Variants in ZBTB47 observed in about 807,000 individuals in gnomAD.
ZBTB47 encodes the protein zinc finger and BTB domain containing 47, also known as zinc finger and BTB domain-containing protein 47.
A neutral mutation model predicts 56.6 loss-of-function variants in ZBTB47; 24 were observed. The ratio of observed to expected loss-of-function variants is 0.42; its 90% CI spans 0.31 to 0.60. ZBTB47 has a LOEUF of 0.60. ZBTB47 is among the 20% of genes least tolerant of loss of function. The pLI, the probability that ZBTB47 is intolerant of heterozygous loss-of-function variation, is 0.14. For missense variants in ZBTB47, 829 were observed against 1,032.6 expected (o/e 0.80, Z 2.70); for synonymous variants, 414 against 418.9 (o/e 0.99, Z 0.14).
rs1176294073 is a variant in ZBTB47 at position 42,656,923 on chromosome 3, G to A, written c.-81-1352G>A. Among the ~76,000 whole-genome samples, 3 of 152,196 alleles carry A rather than the reference G, an allele frequency of 2.0e-5. No homozygotes were observed. The highest frequency in any genetic ancestry group is 7.2e-5 in the African/African-American group (3 of 41,450). On this transcript the variant is annotated intron_variant, in intron 1 of 5. Coordinates refer to ENST00000232974, the MANE Select transcript of ZBTB47 (RefSeq NM_145166.4). This position sits in a 1 kb window ranked among gnomAD's most constrained non-coding sequence, Gnocchi z 5.8. ...CCAGGGAGGCACTGACAGCTATGGA[G>A]CTGATGGTTTTGTGGCCATCAAAAT...
At position 42,659,454 on chromosome 3, in the gene ZBTB47, A is replaced by T. The variant is rs1180160351; in HGVS notation, c.1099A>T (p.Ser367Cys). 1.3e-6 allele frequency: 2 copies of T among 1,502,276 alleles called. No homozygotes were observed. The allele number at this position is 1,502,276 out of a possible 1,614,324, so 93.1% of individuals were successfully genotyped here. A position where few individuals can be genotyped will look rare whatever the true frequency, so the allele number is the denominator to read the frequency against. The stretch of plus-strand genomic sequence containing the variant: ...GCAGGGGCCACGGGGAAGCCGAAGC[A>T]GCCGGGCAGACCCCCCTCCCCACAG... ...GKQGPRGSRSSRADPPPHSHM... is the reference protein window; with the variant it reads ...GKQGPRGSRSCRADPPPHSHM... Residue 367 changes from serine (S) to cysteine (C), a missense_variant, in exon 2 of 6, where the codon AGC becomes TGC. By Grantham distance (112) the Ser-to-Cys change is moderately radical. This residue lies in a region of ZBTB47 where 359 missense variants were observed against 359.8 expected (regional missense o/e 1.00). Transcript: ENST00000232974.
chr3:42,659,033 C>T lies in ZBTB47; in HGVS notation c.678C>T (p.Tyr226=), dbSNP rs1294709267. 3 of 1,530,430 alleles carry T rather than the reference C, an allele frequency of 2.0e-6. No individual in the cohort carries two copies. The highest frequency in any genetic ancestry group is 2.6e-6 in the Non-Finnish European group (3 of 1,143,872). 94.8% of individuals were successfully genotyped at this position (1,530,430 alleles called of 1,614,324 possible). The change falls in exon 2 of 6, where the codon TAC becomes TAT. Residue 226 remains tyrosine (Y), a synonymous_variant. Coordinates refer to ENST00000232974, the MANE Select transcript of ZBTB47 (RefSeq NM_145166.4). ...AAGAGCTTGGGGGTTCTGGCACCTA[C>T]AGCCGCAGGGAGCAATCCCAGATCA... ...LEEELGGSGT[Y]SRREQSQIIV... is the part of the protein sequence containing the mutation.
rs1486755397 is a variant in ZBTB47, at chr3:42,658,377, C to T, written c.22C>T (p.Arg8Cys). Residue 8 changes from arginine to cysteine, a missense_variant, in exon 2 of 6, where the codon CGC becomes TGC. Arg to Cys is a radical substitution (Grantham distance 180, BLOSUM62 -3). Around this residue, in one of 6 missense-constraint regions of ZBTB47, gnomAD observed 120 missense variants for 200.2 expected, o/e 0.60. Transcript: ENST00000232974. ...CTTGATGGGCCGCCTGAACGAGCAG[C>T]GCCTCTTCCAGCCTGACCTCTGCGA... is the stretch of plus-strand genomic sequence containing the variant. Reference protein sequence around the residue: MGRLNEQRLFQPDLCDVD... With the variant: MGRLNEQCLFQPDLCDVD... The T allele has an allele frequency of 1.3e-6, 2 of 1,535,662 alleles. No individual in the cohort carries two copies. Among genetic ancestry groups the T allele is most frequent in the South Asian group, 1.2e-5 (1 of 84,002 alleles).
rs938169734 is a variant in ZBTB47 at position 42,659,724 on chromosome 3, G to C, written c.1369G>C (p.Val457Leu). The change falls in exon 2 of 6, where the codon GTG (valine) becomes CTG (leucine). Residue 457 changes from valine to leucine, a missense_variant. By Grantham distance (32) the Val-to-Leu change is conservative. Around this residue, in one of 6 missense-constraint regions of ZBTB47, gnomAD observed 187 missense variants for 253.1 expected, o/e 0.74. Coordinates refer to ENST00000232974, the MANE Select transcript of ZBTB47 (RefSeq NM_145166.4). ...CTGGTACCTGGAGAAACACATGAATGTGACCCACAGCCGCATGCAGATCTG... is the reference window on the plus strand; with the variant it reads ...CTGGTACCTGGAGAAACACATGAATCTGACCCACAGCCGCATGCAGATCTG... ...NRWYLEKHMN[V>L]THSRMQICDQ... 3.7e-6 allele frequency: 6 copies of C among 1,613,892 alleles called. No individual in the cohort carries two copies. Among genetic ancestry groups the C allele is most frequent in the Non-Finnish European group, 5.1e-6 (6 of 1,179,840 alleles).
chr3:42,664,835 A>T lies in ZBTB47; in HGVS notation c.*237A>T, dbSNP rs1577630467. ...GCCCCCCCTTTCTGTGACTCCTTGA[A>T]GCCTTTACTTTTTTTTTTTTTTGGA... On this transcript the variant is annotated 3_prime_UTR_variant, in exon 6 of 6. Transcript: ENST00000232974. 1 of 368,276 alleles carries T rather than the reference A, an allele frequency of 2.7e-6. No individual in the cohort carries two copies. The highest frequency in any genetic ancestry group is 1.5e-4 in the South Asian group (1 of 6,782). The allele number at this position is 368,276 out of a possible 1,614,324, so 22.8% of individuals were successfully genotyped here. A position where few individuals can be genotyped will look rare whatever the true frequency, so the allele number is the denominator to read the frequency against.
chr3:42,658,695 C>G lies in ZBTB47; in HGVS notation c.340C>G (p.Leu114Val). 6.5e-7 allele frequency: 1 copy of G among 1,536,112 alleles called. No homozygotes were observed. The highest frequency in any genetic ancestry group is 8.7e-7 in the Non-Finnish European group (1 of 1,146,798). The change falls in exon 2 of 6, where the codon CTA (leucine) becomes GTA (valine). Residue 114 changes from leucine to valine, a missense_variant. By Grantham distance (32) the Leu-to-Val change is conservative (BLOSUM62 1). Coordinates refer to ENST00000232974, the MANE Select transcript of ZBTB47 (RefSeq NM_145166.4). ...CCAAGAGCTGCTGGACGCCCGCTCT[C>G]TAGGCCCACCAGGTCCGGGCACTGT... Reference protein sequence around the residue: ...SCQELLDARSLGPPGPGTVAL... With the variant: ...SCQELLDARSVGPPGPGTVAL...
At chr3:42,657,747 G>A (rs545403574) in intron 1 of ZBTB47, among the ~76,000 whole-genome samples, 6 of 152,290 alleles carry the variant, frequency 3.9e-5, no homozygotes, top group Middle Eastern at 3.4e-3. Context: ...GAGGTGTTTG[G>A]GGCTGGGCAA....
upstream of ZBTB47, among the ~76,000 whole-genome samples, chr3:42,652,947 C>T (rs1429229669): frequency 6.6e-6 from 1 of 152,222 alleles, no homozygotes. Flanking sequence ...CAGCCCTCAG[C>T]GGGCTAGCTG....
intron 3 of ZBTB47, among the ~76,000 whole-genome samples, chr3:42,662,433 C>T (rs944876136): frequency 6.6e-6 from 1 of 152,230 alleles, no homozygotes; most frequent in South Asian, 2.1e-4. Flanking sequence ...GAAGGTGAGC[C>T]TTCTGTCTCC....
chr3:42,667,004 A>T lies in ZBTB47; in HGVS notation c.*2406A>T, dbSNP rs1710796422. On this transcript the variant is annotated 3_prime_UTR_variant, in exon 6 of 6. Transcript: ENST00000232974. ...GTGGGGGCTCCTTTCCGGCCAGACC[A>T]CAAGGCCAGAAGCAATAATGGCACC... 2.6e-5 allele frequency among the ~76,000 whole-genome samples: 4 copies of T among 152,244 alleles called. No homozygotes were observed. In the South Asian group the frequency reaches 6.2e-4, roughly 24 times the overall value.
Position 42,658,270 on chromosome 3 carries a change from C to T in ZBTB47, c.-81-5C>T, listed in dbSNP as rs567469292. The T allele has an allele frequency of 1.0e-5, 15 of 1,469,880 alleles. No individual in the cohort carries two copies. The highest frequency in any genetic ancestry group is 2.8e-5 in the South Asian group (2 of 72,482). 91.1% of individuals were successfully genotyped at this position (1,469,880 alleles called of 1,614,324 possible). On this transcript the variant is annotated splice_polypyrimidine_tract_variant and splice_region_variant and intron_variant, in intron 1 of 5. Coordinates refer to ENST00000232974, the MANE Select transcript of ZBTB47 (RefSeq NM_145166.4). ...GACCCACTCCTGTGCCCTCTGTCCC[C>T]GCAGTTGCTGGTTGAGAAGACAACT...
At position 42,663,664 on chromosome 3, in the gene ZBTB47, T is replaced by G. The variant is rs1326632920; in HGVS notation, c.1738-133T>G. 1 of 1,182,950 alleles carries G rather than the reference T, an allele frequency of 8.5e-7. No homozygotes were observed. The allele number at this position is 1,182,950 out of a possible 1,614,324, so 73.3% of individuals were successfully genotyped here. A position where few individuals can be genotyped will look rare whatever the true frequency, so the allele number is the denominator to read the frequency against. The stretch of plus-strand genomic sequence containing the variant: ...CCAGATGCACCTCGGCTTGCCCTCA[T>G]GTCCCCATCTCCTTGCCCAGGAGCC... On this transcript the variant is annotated intron_variant, in intron 4 of 5. Coordinates refer to ENST00000232974, the MANE Select transcript of ZBTB47 (RefSeq NM_145166.4). This position sits in a 1 kb window ranked among gnomAD's most constrained non-coding sequence, Gnocchi z 5.1.
Position 42,659,338 on chromosome 3 carries a change from A to C in ZBTB47, c.983A>C (p.Glu328Ala). Residue 328 changes from glutamate to alanine, a missense_variant, in exon 2 of 6, where the codon GAA (glutamate) becomes GCA (alanine). By Grantham distance (107) the Glu-to-Ala change is moderately radical. Transcript: ENST00000232974. The part of the protein sequence containing the change: ...EEDGHSEQEE[E>A]EEEEEEEGPS... Reference sequence around the variant, plus strand: ...GACGGGCACAGTGAGCAGGAAGAGGAAGAGGAGGAGGAAGAGGAGGAAGGG... The same window carrying C: ...GACGGGCACAGTGAGCAGGAAGAGGCAGAGGAGGAGGAAGAGGAGGAAGGG... The C allele has an allele frequency of 6.8e-7, 1 of 1,462,484 alleles. No individual in the cohort carries two copies. Among genetic ancestry groups the C allele is most frequent in the Non-Finnish European group, 9.2e-7 (1 of 1,090,796 alleles). The allele number at this position is 1,462,484 out of a possible 1,614,324, so 90.6% of individuals were successfully genotyped here.
rs1341924136 is a variant in ZBTB47, at chr3:42,654,090, G to A, written c.-82+207G>A. 6 of 152,220 alleles carry A rather than the reference G, an allele frequency of 3.9e-5. No individual in the cohort carries two copies. Among genetic ancestry groups the A allele is most frequent in the African/African-American group, 1.4e-4 (6 of 41,434 alleles). 9.4% of individuals were successfully genotyped at this position (152,220 alleles called of 1,614,324 possible). A position where few individuals can be genotyped will look rare whatever the true frequency, so the allele number is the denominator to read the frequency against. The stretch of plus-strand genomic sequence containing the variant: ...CAGCGTGGGATCCCTCAGGGGAGCG[G>A]GTGGAAGCCTTTTCTGTTCGGATCC... On this transcript the variant is annotated intron_variant, in intron 1 of 5. Transcript: ENST00000232974. This position sits in a 1 kb window ranked among gnomAD's most constrained non-coding sequence, Gnocchi z 5.0.
rs1447236090 is a variant in ZBTB47, at chr3:42,667,528, C to G, written c.*2930C>G. 2.6e-5 allele frequency among the ~76,000 whole-genome samples: 4 copies of G among 152,212 alleles called. No homozygotes were observed. Among genetic ancestry groups the G allele is most frequent in the Non-Finnish European group, 5.9e-5 (4 of 68,036 alleles). ...CCCCACAGCCCCAGAGCATGGGGCA[C>G]AGCAGGCATGCGAGTGAGAGGATGA... On this transcript the variant is annotated 3_prime_UTR_variant, in exon 6 of 6. Transcript: ENST00000232974.
At chr3:42,659,904 A>C in intron 2 of ZBTB47, 76 bp downstream of exon 2, 1 of 1,478,804 alleles carries the variant, frequency 6.8e-7, no homozygotes, top group Non-Finnish European at 9.0e-7. Context: ...CTGGGCACCT[A>C]GTGTCTTGCT....
intron 1 of ZBTB47, among the ~76,000 whole-genome samples, chr3:42,655,757 G>T (rs909753525): frequency 6.6e-6 from 1 of 152,224 alleles, no homozygotes; most frequent in Non-Finnish European, 1.5e-5. Context: ...GACTCGGGCA[G>T]CATCTCTGTG....
intron 3 of ZBTB47, among the ~76,000 whole-genome samples, chr3:42,661,847 G>T (rs894601236): frequency 4.6e-5 from 7 of 152,368 alleles, no homozygotes; most frequent in Middle Eastern, 3.4e-3. Flanking sequence ...GCTGCACATT[G>T]CACAAGGGTG....
In ZBTB47 at chr3:42,659,402, G is replaced by A. The variant is rs1157329541; in HGVS notation, c.1047G>A (p.Glu349=). 2.8e-6 allele frequency: 4 copies of A among 1,439,984 alleles called. No homozygotes were observed. Among genetic ancestry groups the A allele is most frequent in the Admixed American group, 2.8e-5 (1 of 35,878 alleles). 89.2% of individuals were successfully genotyped at this position (1,439,984 alleles called of 1,614,324 possible). A position where few individuals can be genotyped will look rare whatever the true frequency, so the allele number is the denominator to read the frequency against. ...ATCAAGAGAGCTCTGAGGAGGAGGA[G>A]GGGGAGGAGGGGGAGGCTGGGGGCA... The part of the protein sequence containing the change: ...EQDQESSEEE[E]GEEGEAGGKQ... The change falls in exon 2 of 6, where the codon GAG becomes GAA. Residue 349 remains glutamate, a synonymous_variant. Coordinates refer to ENST00000232974, the MANE Select transcript of ZBTB47 (RefSeq NM_145166.4).
Sources: gnomAD v4.1 joint callset for allele counts (sites outside exome capture counted in the v4.1 genomes callset) on GRCh38, gnomAD v4.1.1 for gene constraint, gnomAD v4.1.1 regional missense constraint, Gnocchi (gnomAD v3.1) non-coding constraint, MANE v1.5 for transcripts, NCBI Gene and HGNC (gene_info 2026-07-23, HGNC 2026-07-21) for gene names.